ZNF346: variants seen among roughly 807,000 people sequenced by gnomAD.
The protein encoded by ZNF346 is zinc finger protein 346, also known as double-stranded RNA-binding zinc finger protein JAZ.
In ZNF346, 23 loss-of-function variants were observed where a neutral mutation model predicts 33.7. The observed-to-expected ratio is 0.68, with a 90% CI of 0.49 to 0.97. ZNF346 has a LOEUF of 0.97. Ranked by LOEUF, ZNF346 falls within the 50% of genes least tolerant of loss-of-function variation. The pLI is 0.00. For synonymous variants in ZNF346, 134 were observed against 142.4 expected (o/e 0.94, Z 0.42); for missense variants, 340 against 371.1 (o/e 0.92, Z 0.69).
At chr5:177,047,481 G>C (rs1346237424) in intron 4 of ZNF346, among the ~76,000 whole-genome samples, 1 of 151,886 alleles carries the variant, frequency 6.6e-6, no homozygotes, top group Non-Finnish European at 1.5e-5. Flanking sequence ...TGGGATTACA[G>C]GTGCCCACCA....
chr5:177,060,431 G>A lies in ZNF346; in HGVS notation c.704-1627G>A, dbSNP rs143877604. Among the ~76,000 whole-genome samples, 1,380 of 152,220 alleles carry A rather than the reference G, an allele frequency of 9.1e-3. 6 individuals carry two copies. Among genetic ancestry groups the A allele is most frequent in the South Asian group, 0.025 (121 of 4,816 alleles). On this transcript the variant is annotated intron_variant, in intron 5 of 6. Coordinates refer to ENST00000358149, the MANE Select transcript of ZNF346 (RefSeq NM_012279.4). The stretch of plus-strand genomic sequence containing the variant: ...AGCTACTCGAGAGGCTGAAGCAGGA[G>A]AATTGCCTGAACCCAGGAGGCGGAG...
At chr5:177,025,904 T>C (rs1257117850) in intron 1 of ZNF346, among the ~76,000 whole-genome samples, 1 of 152,168 alleles carries the variant, frequency 6.6e-6, no homozygotes, top group Admixed American at 6.6e-5. Flanking sequence ...TTTTATCCTA[T>C]GTATTGTGCT....
chr5:177,047,346 T>G lies in ZNF346; in HGVS notation c.517+2813T>G, dbSNP rs191408183. Among the ~76,000 whole-genome samples the G allele has an allele frequency of 3.8e-4, 58 of 151,428 alleles. 1 individual carries two copies. The highest frequency in any genetic ancestry group is 1.3e-3 in the African/African-American group (55 of 41,358). ...TTTTGTTTGTTTGTTTTTTGTTTTT[T>G]TTTTTTTTTGAGATGGAGTCTCCCT... On this transcript the variant is annotated intron_variant, in intron 4 of 6. Coordinates refer to ENST00000358149, the MANE Select transcript of ZNF346 (RefSeq NM_012279.4).
intron 1 of ZNF346, among the ~76,000 whole-genome samples, chr5:177,024,440 T>C (rs1274453523): frequency 6.6e-6 from 1 of 152,076 alleles, no homozygotes; most frequent in Non-Finnish European, 1.5e-5. Flanking sequence ...TCAAGTGATC[T>C]GCCCGCCTTG....
At chr5:177,050,117 G>A (rs957675733) in intron 4 of ZNF346, among the ~76,000 whole-genome samples, 2 of 152,208 alleles carry the variant, frequency 1.3e-5, no homozygotes, top group African/African-American at 4.8e-5. Context: ...TTACAGATGT[G>A]AGCAAAACGC....
intron 5 of ZNF346, among the ~76,000 whole-genome samples, chr5:177,053,835 C>T (rs766132059): frequency 1.3e-5 from 2 of 152,164 alleles, no homozygotes; most frequent in African/African-American, 4.8e-5. Context: ...ATAGGGGATA[C>T]GTTTCAAAAC....
intron 1 of ZNF346, among the ~76,000 whole-genome samples, chr5:177,037,737 C>A (rs352943): frequency 0.16 from 24,968 of 152,144 alleles, 2,434 homozygotes; most frequent in Middle Eastern, 0.24. Context: ...TGCTTCCATT[C>A]TTGTCCCCAT....
At chr5:177,041,734 A>G (rs1779360780) in intron 2 of ZNF346, 44 bp from the exon 3 acceptor site, 1 of 1,245,040 alleles carries the variant, frequency 8.0e-7, no homozygotes, top group Non-Finnish European at 1.2e-6. Flanking sequence ...TTAAGTATGA[A>G]GTAGCATTTG....
At position 177,041,217 on chromosome 5, in the gene ZNF346, G is replaced by GGC. The variant is rs1200372896; in HGVS notation, c.268_269dup (p.Tyr92IlefsTer11). The GGC allele has an allele frequency of 3.7e-6, 6 of 1,613,700 alleles. No homozygotes were observed. On this transcript the variant is annotated frameshift_variant, in exon 2 of 7. Transcript: ENST00000358149. LOFTEE classifies it high-confidence loss of function. ...TGCTTATTTCTGAGTCCCAGAAGCT[G>GGC]GCACATTACCAGGTATGCCATCATA...
chr5:177,073,048 C>G (rs1378002720), intron 8 of ZNF346, among the ~76,000 whole-genome samples: 2 of 152,238 alleles, frequency 1.3e-5, no homozygotes, highest in African/African-American at 4.8e-5. Flanking sequence ...TTTGTGTTCC[C>G]AGATGCCCTG....
chr5:177,058,683 T>C (rs1444590631), intron 5 of ZNF346, among the ~76,000 whole-genome samples: 1 of 152,176 alleles, frequency 6.6e-6, no homozygotes, highest in African/African-American at 2.4e-5. Flanking sequence ...AATGTTGATA[T>C]CACTGTGGGT....
intron 1 of ZNF346, among the ~76,000 whole-genome samples, chr5:177,032,899 A>G (rs1027092247): frequency 6.6e-6 from 1 of 152,226 alleles, no homozygotes; most frequent in African/African-American, 2.4e-5. Flanking sequence ...CTAAAAAATT[A>G]AATTAAAAAC....
Position 177,038,876 on chromosome 5 carries a change from T to TTCGTGTGTG in ZNF346, c.176-2249_176-2248insCGTGTGTGT, listed in dbSNP as rs981637597. ...TTTTTCTTCTTTTTTCTTCTTCTTC[T>TTCGTGTGTG]TGTGTGTGTGTGTGTGTGTGTGTGT... On this transcript the variant is annotated intron_variant, in intron 1 of 6. Transcript: ENST00000358149. Among the ~76,000 whole-genome samples the TTCGTGTGTG allele has an allele frequency of 9.6e-5, 13 of 135,452 alleles. 1 individual carries two copies. The highest frequency in any genetic ancestry group is 3.8e-4 in the Admixed American group (5 of 13,162). The allele number at this position is 135,452 out of a possible 152,430, so 88.9% of individuals were successfully genotyped here.
chr5:177,067,861 T>C lies in ZNF346; in HGVS notation c.*3262T>C, dbSNP rs1015337807. Among the ~76,000 whole-genome samples, 2 of 152,052 alleles carry C rather than the reference T, an allele frequency of 1.3e-5. No homozygotes were observed. The highest frequency in any genetic ancestry group is 2.9e-5 in the Non-Finnish European group (2 of 68,006). ...GGCTCACATCTGTAATCCCAGCACTTTGGGAGGCCAAGGCGGGTGTATCAC... is the reference window on the plus strand; with the variant it reads ...GGCTCACATCTGTAATCCCAGCACTCTGGGAGGCCAAGGCGGGTGTATCAC... On this transcript the variant is annotated 3_prime_UTR_variant, in exon 7 of 7. Coordinates refer to ENST00000358149, the MANE Select transcript of ZNF346 (RefSeq NM_012279.4).
chr5:177,075,259 C>T (rs1291636644), intron 8 of ZNF346, among the ~76,000 whole-genome samples: 1 of 151,420 alleles, frequency 6.6e-6, no homozygotes. Context: ...AAAAACTAGC[C>T]GGGCATGGTG....
intron 4 of ZNF346, among the ~76,000 whole-genome samples, chr5:177,048,596 G>A (rs1157037031): frequency 6.6e-6 from 1 of 151,960 alleles, no homozygotes; most frequent in African/African-American, 2.4e-5. Flanking sequence ...ACTCCAGCCT[G>A]GGCAACAAGA....
chr5:177,038,158 G>A (rs1019803620), intron 1 of ZNF346, among the ~76,000 whole-genome samples: 9 of 150,590 alleles, frequency 6.0e-5, no homozygotes, highest in African/African-American at 4.9e-5. Context: ...GCACATTCAC[G>A]GCTCACTGAA....
At chr5:177,056,207 G>A (rs1045691625) in intron 5 of ZNF346, among the ~76,000 whole-genome samples, 3 of 151,974 alleles carry the variant, frequency 2.0e-5, no homozygotes, top group Admixed American at 6.6e-5. Flanking sequence ...TGCACTGGGC[G>A]ACAGAGCAAG....
At chr5:177,027,669 T>A (rs189273415) in intron 1 of ZNF346, among the ~76,000 whole-genome samples, 44 of 151,124 alleles carry the variant, frequency 2.9e-4, no homozygotes, top group Middle Eastern at 3.4e-3. Context: ...TTTTTTTTTT[T>A]AAATTCTCTA....
Sources: gnomAD v4.1 joint callset for allele counts (sites outside exome capture counted in the v4.1 genomes callset) on GRCh38, gnomAD v4.1.1 for gene constraint, MANE v1.5 for transcripts, NCBI Gene and HGNC (gene_info 2026-07-23, HGNC 2026-07-21) for gene names.